The following UGT1A10 variants were observed in gnomAD, a reference collection of about 807,000 sequenced individuals.
UGT1A10 encodes UDP glucuronosyltransferase family 1 member A10.
Under a neutral mutation model 45.8 loss-of-function variants are expected in UGT1A10, and 49 were observed. The ratio of observed to expected loss-of-function variants is 1.07; its 90% confidence interval spans 0.85 to 1.36. The LOEUF (loss-of-function observed/expected upper bound fraction) is 1.36. UGT1A10 is among the 40% of genes most tolerant of loss of function. The pLI, the probability that UGT1A10 is intolerant of heterozygous loss-of-function variation, is 0.00. For synonymous variants in UGT1A10, 284 were observed against 249.7 expected (o/e 1.14, Z -1.29); for missense variants, 745 against 668.6 (o/e 1.11, Z -1.26).
chr2:233,666,688 G>C lies in UGT1A10; in HGVS notation c.855+29311G>C, dbSNP rs138341781. ...TTGTACTTTAAGTTTTAGAGTACAT[G>C]TGCACAATGTGCAGGTTAGTTACAT... On this transcript the variant is annotated intron_variant, in intron 1 of 4. Coordinates refer to ENST00000344644, the MANE Select transcript of UGT1A10 (RefSeq NM_019075.4). 2.5e-3 allele frequency among the ~76,000 whole-genome samples: 384 copies of C among 151,766 alleles called. 9 individuals are homozygous for C. The East Asian group carries it at 0.056, about 22-fold the overall frequency.
At chr2:233,693,117 A>T in intron 1 of UGT1A10, 1 of 1,614,178 alleles carries the variant, frequency 6.2e-7, no homozygotes, top group Non-Finnish European at 8.5e-7. Context: ...GACGGAAGCC[A>T]CTGGCTTAGT....
chr2:233,691,638 AG>A, intron 1 of UGT1A10: 1 of 985,558 alleles, frequency 1.0e-6, no homozygotes, highest in Non-Finnish European at 1.2e-6. Flanking sequence ...GTTAGCAGGC[AG>A]GGCCAGTGTG....
intron 1 of UGT1A10, among the ~76,000 whole-genome samples, chr2:233,726,395 C>G (rs2077529698): frequency 6.6e-6 from 1 of 152,174 alleles, no homozygotes; most frequent in African/African-American, 2.4e-5. Flanking sequence ...ATCTCATAGT[C>G]TTTTGATGTC....
At chr2:233,671,700 A>G in intron 1 of UGT1A10, 2 of 552,150 alleles carry the variant, frequency 3.6e-6, no homozygotes, top group Non-Finnish European at 4.6e-6. Flanking sequence ...TCTGCCCCCA[A>G]GGCAAAGACC....
chr2:233,729,563 T>C (rs1575582570), intron 1 of UGT1A10: 2 of 1,614,156 alleles, frequency 1.2e-6, no homozygotes, highest in South Asian at 1.1e-5. Flanking sequence ...GCTACTTCCT[T>C]TGATGTGGTT....
Position 233,768,375 on chromosome 2 carries a change from A to C in UGT1A10, c.1231A>C (p.Asn411His). The change falls in exon 4 of 5, where the codon AAT becomes CAT. Residue 411 changes from asparagine to histidine, a missense_variant. Transcript: ENST00000344644. ...GACTAAGGGAGCTGGAGTGACCCTG[A>C]ATGTTCTGGAAATGACTTCTGAAGA... ...METKGAGVTL[N>H]VLEMTSEDLE... 1 of 1,614,190 alleles carries C rather than the reference A, an allele frequency of 6.2e-7. No individual in the cohort carries two copies. Among genetic ancestry groups the C allele is most frequent in the African/African-American group, 1.3e-5 (1 of 75,044 alleles).
At chr2:233,685,139 G>A (rs1299501397) in intron 1 of UGT1A10, among the ~76,000 whole-genome samples, 2 of 152,112 alleles carry the variant, frequency 1.3e-5, no homozygotes, top group Non-Finnish European at 2.9e-5. Context: ...ATCCAGGGAT[G>A]TAATTAAATA....
At chr2:233,722,110 C>T (rs2125686001) in intron 1 of UGT1A10, 2 of 193,306 alleles carry the variant, frequency 1.0e-5, no homozygotes, top group South Asian at 2.1e-4. Flanking sequence ...AGAGGAAGAG[C>T]TATCATCATC....
intron 1 of UGT1A10, chr2:233,729,110 C>T: frequency 6.2e-7 from 1 of 1,612,868 alleles, no homozygotes; most frequent in Non-Finnish European, 8.5e-7. Context: ...AGTCAGCTGT[C>T]CGTGTCTTCT....
rs116067611 is a variant in UGT1A10 at position 233,693,093 on chromosome 2, T to G, written c.855+55716T>G. The G allele has an allele frequency of 3.1e-6, 5 of 1,614,220 alleles. No homozygotes were observed. The East Asian group carries it at 1.1e-4, about 36-fold the overall frequency. ...GGCATGGTTGTAGGTGACAAGCTGCTGGTGGTCCCTCAGGACGGAAGCCAC... is the reference window on the plus strand; with the variant it reads ...GGCATGGTTGTAGGTGACAAGCTGCGGGTGGTCCCTCAGGACGGAAGCCAC... On this transcript the variant is annotated intron_variant, in intron 1 of 4. Coordinates refer to ENST00000344644, the MANE Select transcript of UGT1A10 (RefSeq NM_019075.4).
At chr2:233,724,233 G>T (rs1323099966) in intron 1 of UGT1A10, among the ~76,000 whole-genome samples, 1 of 126,056 alleles carries the variant, frequency 7.9e-6, no homozygotes, top group Non-Finnish European at 1.7e-5. Flanking sequence ...CAGTAGGGGC[G>T]GCCGGGCAGA....
chr2:233,724,196 G>C (rs2125699234), intron 1 of UGT1A10, among the ~76,000 whole-genome samples: 1 of 131,752 alleles, frequency 7.6e-6, no homozygotes, highest in Admixed American at 7.2e-5. Context: ...CGGGGTGGCT[G>C]GCCGGGCTGA....
At chr2:233,752,118 G>A (rs1227638081) in intron 1 of UGT1A10, among the ~76,000 whole-genome samples, 1 of 152,216 alleles carries the variant, frequency 6.6e-6, no homozygotes, top group Non-Finnish European at 1.5e-5. Context: ...AGGAGAAGAA[G>A]ATGATGGACA....
Position 233,744,040 on chromosome 2 carries a change from C to A in UGT1A10, c.856-22994C>A. 9 of 766,390 alleles carry A rather than the reference C, an allele frequency of 1.2e-5. No individual in the cohort carries two copies. In the South Asian group the frequency reaches 1.4e-4, roughly 12 times the overall value. 47.5% of individuals were successfully genotyped at this position (766,390 alleles called of 1,614,324 possible). On this transcript the variant is annotated intron_variant, in intron 1 of 4. Transcript: ENST00000344644. ...TGGAGAGACGCCCCTTATGACGCAG[C>A]CACATCTCATTGGTCGAGGCCTATG...
At chr2:233,657,788 A>G (rs892460902) in intron 1 of UGT1A10, among the ~76,000 whole-genome samples, 7 of 152,140 alleles carry the variant, frequency 4.6e-5, no homozygotes, top group Non-Finnish European at 1.0e-4. Flanking sequence ...ACTGTTTGCC[A>G]TCTGTATATG....
chr2:233,654,564 A>G (rs1315922029), intron 1 of UGT1A10, among the ~76,000 whole-genome samples: 1 of 152,252 alleles, frequency 6.6e-6, no homozygotes, highest in East Asian at 1.9e-4. Context: ...TTTGTAATAT[A>G]TAACAAAAAT....
chr2:233,647,083 C>T (rs1350933721), intron 1 of UGT1A10, among the ~76,000 whole-genome samples: 1 of 152,128 alleles, frequency 6.6e-6, no homozygotes, highest in African/African-American at 2.4e-5. Context: ...AGAAAGAGAG[C>T]TTGTGCAGGA....
intron 1 of UGT1A10, among the ~76,000 whole-genome samples, chr2:233,650,935 C>G (rs1283179991): frequency 6.6e-6 from 1 of 152,142 alleles, no homozygotes; most frequent in East Asian, 1.9e-4. Flanking sequence ...TGGCTATGTT[C>G]TGGCTTCTTA....
At chr2:233,692,935 A>C (rs2075120716) in intron 1 of UGT1A10, 1 of 1,587,686 alleles carries the variant, frequency 6.3e-7, no homozygotes, top group African/African-American at 1.3e-5. Context: ...TTTAGGGAAA[A>C]TACCTAGGAG....
Sources: allele counts gnomAD v4.1 joint callset (sites outside exome capture counted in the v4.1 genomes callset), GRCh38; gene constraint gnomAD v4.1.1; transcripts MANE v1.5; gene names NCBI Gene and HGNC (gene_info 2026-07-23, HGNC 2026-07-21).